TCP1: variants seen among roughly 807,000 people sequenced by gnomAD.
The protein encoded by TCP1 is t-complex 1.
TCP1 carries 6 observed loss-of-function variants against 54.7 expected under a neutral mutation model. The ratio of observed to expected loss-of-function variants is 0.11; its 90% CI spans 0.06 to 0.22. The LOEUF is 0.22. TCP1 is among the 10% of genes least tolerant of loss of function. TCP1 has a pLI of 1.00. For missense variants in TCP1, 511 were observed against 678.2 expected, an observed-to-expected ratio of 0.75 and a Z score of 2.74; for synonymous variants, 225 against 229.7, an observed-to-expected ratio of 0.98 and a Z score of 0.19.
intron 1 of TCP1, 108 bp from the exon 2 acceptor site, chr6:159,788,251 C>A: frequency 1.0e-6 from 1 of 1,002,744 alleles, no homozygotes; most frequent in Non-Finnish European, 1.5e-6. Context: ...CCCGTATTTC[C>A]CAAATCTACA....
rs987193570 is a variant in TCP1, at chr6:159,778,601, A to T, written c.*444T>A. 6.4e-7 allele frequency: 1 copy of T among 1,569,018 alleles called. No homozygotes were observed. The highest frequency in any genetic ancestry group is 1.8e-5 in the Admixed American group (1 of 55,886). On this transcript the variant is annotated 3_prime_UTR_variant, in exon 12 of 12. Transcript: ENST00000321394. The stretch of plus-strand genomic sequence containing the variant: ...CATTAAGAGGAAAAAGACAAGTTTA[A>T]GATTTTAAACTGTGTCCACAGAAGA...
At chr6:159,789,075 A>C in intron 1 of TCP1, 1 of 360,674 alleles carries the variant, frequency 2.8e-6, no homozygotes, top group Non-Finnish European at 5.1e-6. Flanking sequence ...CCCTGAAACA[A>C]AAGGGGGTGC....
chr6:159,786,122 T>A (rs1240405636), intron 3 of TCP1, 125 bp from the exon 4 acceptor site: 1 of 705,830 alleles, frequency 1.4e-6, no homozygotes, highest in Non-Finnish European at 2.4e-6. Flanking sequence ...AATTAACTGG[T>A]TATTAGAAAC....
At chr6:159,785,743 G>T (rs777109405) in intron 4 of TCP1, 157 bp downstream of exon 4, 2 of 794,738 alleles carry the variant, frequency 2.5e-6, no homozygotes, top group South Asian at 1.4e-5. Flanking sequence ...AAAAGATACT[G>T]GTCCAAGTTT....
chr6:159,784,894 G>A (rs1002100347), intron 5 of TCP1, 47 bp from the exon 6 acceptor site: 16 of 1,580,116 alleles, frequency 1.0e-5, no homozygotes, highest in Admixed American at 1.7e-5. Flanking sequence ...TGGACAAAGG[G>A]TACACACGTG....
chr6:159,785,058 AG>A (rs1780660783), intron 5 of TCP1: 2 of 625,318 alleles, frequency 3.2e-6, no homozygotes, highest in Non-Finnish European at 5.6e-6. Flanking sequence ...ACCCTAAAAA[AG>A]CAGGGAAGGC....
intron 9 of TCP1, 91 bp from the exon 10 acceptor site, chr6:159,780,178 TAATAA>T (rs1274506235): frequency 6.1e-6 from 9 of 1,475,346 alleles, no homozygotes; most frequent in South Asian, 6.1e-5. Context: ...AATGGCATTT[TAATAA>T]AATAAGTCTA....
At position 159,784,690 on chromosome 6, in the gene TCP1, G is replaced by C. The variant is rs1780652478; in HGVS notation, c.646C>G (p.Leu216Val). The change falls in exon 6 of 12, where the codon CTC becomes GTC. Residue 216 changes from leucine to valine, a missense_variant. Coordinates refer to ENST00000321394, the MANE Select transcript of TCP1 (RefSeq NM_030752.3). The part of the protein sequence containing the change: ...MESMLISGYA[L>V]NCVVGSQGMP... ...CCCTGGGATCCCACCACACAGTTGAGTGCATAGCCACTGATGAGCATACTC... is the reference window on the plus strand; with the variant it reads ...CCCTGGGATCCCACCACACAGTTGACTGCATAGCCACTGATGAGCATACTC... The C allele has an allele frequency of 6.2e-7, 1 of 1,613,924 alleles. No homozygotes were observed. The highest frequency in any genetic ancestry group is 8.5e-7 in the Non-Finnish European group (1 of 1,179,952).
In TCP1 at chr6:159,778,648, TCCC is replaced by T; in HGVS notation, c.*394_*396del. On this transcript the variant is annotated 3_prime_UTR_variant, in exon 12 of 12. Coordinates refer to ENST00000321394, the MANE Select transcript of TCP1 (RefSeq NM_030752.3). ...AAGAATAAACAATCTAAATCTTTTC[TCCC>T]CCGTTAGGTCAATATTGAAGGAGGG... 1.2e-6 allele frequency: 2 copies of T among 1,612,462 alleles called. No homozygotes were observed. Among genetic ancestry groups the T allele is most frequent in the African/African-American group, 2.7e-5 (2 of 74,972 alleles).
chr6:159,784,139 T>C (rs1422737464), intron 6 of TCP1, 72 bp from the exon 7 acceptor site: 3 of 1,523,694 alleles, frequency 2.0e-6, no homozygotes, highest in African/African-American at 1.4e-5. Flanking sequence ...TATAATCGAT[T>C]GTATGTAAAC....
rs374783244 is a variant in TCP1 at position 159,781,543 on chromosome 6, C to T, written c.798-433G>A. 6.6e-5 allele frequency among the ~76,000 whole-genome samples: 10 copies of T among 152,270 alleles called. No individual in the cohort carries two copies. The East Asian group carries it at 1.4e-3, about 21-fold the overall frequency. Reference sequence around the variant, plus strand: ...ATCCCAGCACTTTGGGAGGCTGAGGCGGGCAGATCACCTGAGGTCAGGAGT... The same window carrying T: ...ATCCCAGCACTTTGGGAGGCTGAGGTGGGCAGATCACCTGAGGTCAGGAGT... On this transcript the variant is annotated intron_variant, in intron 7 of 11. Transcript: ENST00000321394.
rs1295916040 is a variant in TCP1, at chr6:159,788,154, T to A, written c.65-11A>T. Reference sequence around the variant, plus strand: ...AAGCTGCAGCCATAACTGTAGACAATCAATTAAAAATAAAAAAGAAATGAG... The same window carrying A: ...AAGCTGCAGCCATAACTGTAGACAAACAATTAAAAATAAAAAAGAAATGAG... On this transcript the variant is annotated splice_polypyrimidine_tract_variant and intron_variant, in intron 1 of 11. Coordinates refer to ENST00000321394, the MANE Select transcript of TCP1 (RefSeq NM_030752.3). The A allele has an allele frequency of 6.2e-7, 1 of 1,612,732 alleles. No individual in the cohort carries two copies. The highest frequency in any genetic ancestry group is 1.3e-5 in the African/African-American group (1 of 74,874).
At chr6:159,786,102 T>G in intron 3 of TCP1, 105 bp from the exon 4 acceptor site, 1 of 851,508 alleles carries the variant, frequency 1.2e-6, no homozygotes, top group Non-Finnish European at 1.9e-6. Flanking sequence ...AAAATGGTAG[T>G]GATGAAATGA....
Position 159,780,034 on chromosome 6 carries a change from A to G in TCP1, c.1151T>C (p.Met384Thr), listed in dbSNP as rs770623833. 2.0e-5 allele frequency: 32 copies of G among 1,614,194 alleles called. No individual in the cohort carries two copies. The highest frequency in any genetic ancestry group is 2.5e-5 in the Non-Finnish European group (29 of 1,180,024). ...TAAAGAGCGCTCCATCTCATCACAC[A>G]TGAAATCATTTGCCCCACGTAAGAT... ...SIILRGANDF[M>T]CDEMERSLHD... The change falls in exon 10 of 12, where the codon ATG (methionine) becomes ACG (threonine). Residue 384 changes from methionine to threonine, a missense_variant. Physicochemically the swap from Met to Thr is moderately conservative, Grantham distance 81 (BLOSUM62 -1). Transcript: ENST00000321394.
Position 159,786,016 on chromosome 6 carries a change from CT to C in TCP1, c.280-20del. ...TAATAACCTGTTGAGAAAACATTCA[CT>C]GGTCTGAGTGTGCCGGATATTCAAC... On this transcript the variant is annotated intron_variant, in intron 3 of 11. Coordinates refer to ENST00000321394, the MANE Select transcript of TCP1 (RefSeq NM_030752.3). The C allele has an allele frequency of 6.3e-7, 1 of 1,598,004 alleles. No homozygotes were observed. The highest frequency in any genetic ancestry group is 8.6e-7 in the Non-Finnish European group (1 of 1,166,264).
intron 1 of TCP1, 37 bp downstream of exon 1, chr6:159,789,368 C>G (rs761507255): frequency 1.9e-6 from 3 of 1,611,712 alleles, no homozygotes; most frequent in African/African-American, 1.3e-5. Flanking sequence ...CGGCCCTCCC[C>G]GGCCGCAAAC....
intron 6 of TCP1, among the ~76,000 whole-genome samples, chr6:159,784,379 A>C (rs1269563203): frequency 6.6e-6 from 1 of 150,778 alleles, no homozygotes; most frequent in Non-Finnish European, 1.5e-5. Context: ...ATCTTGGCTC[A>C]CTGCAATCTC....
intron 3 of TCP1, among the ~76,000 whole-genome samples, chr6:159,786,378 C>G (rs1780698093): frequency 6.6e-6 from 1 of 152,124 alleles, no homozygotes; most frequent in South Asian, 2.1e-4. Flanking sequence ...ATGCAAATGG[C>G]CAAAACTGGG....
chr6:159,784,391 G>A (rs1482190037), intron 6 of TCP1, among the ~76,000 whole-genome samples: 1 of 150,664 alleles, frequency 6.6e-6, no homozygotes, highest in Non-Finnish European at 1.5e-5. Context: ...TGCAATCTCC[G>A]CCTCCCAGGT....
Sources: allele counts gnomAD v4.1 joint callset (sites outside exome capture counted in the v4.1 genomes callset), GRCh38; gene constraint gnomAD v4.1.1; transcripts MANE v1.5; gene names NCBI Gene and HGNC (gene_info 2026-07-23, HGNC 2026-07-21).